The following IL1RAP variants were observed in gnomAD, a reference collection of about 807,000 sequenced individuals.
IL1RAP encodes interleukin-1 receptor accessory protein.
In IL1RAP, 35 loss-of-function variants were observed where a neutral mutation model predicts 60.7. That is an observed-to-expected ratio of 0.58 (90% CI 0.44 to 0.76). The LOEUF is 0.76. Among genes scored for constraint, IL1RAP ranks in the 30% least tolerant of loss-of-function variants. The pLI is 0.00. For missense variants in IL1RAP, 572 were observed against 693.9 expected, an observed-to-expected ratio of 0.82 and a Z score of 1.97; for synonymous variants, 268 against 250.9, an observed-to-expected ratio of 1.07 and a Z score of -0.64.
chr3:190,573,638 C>T (rs1220848571), intron 3 of IL1RAP, among the ~76,000 whole-genome samples: 2 of 152,154 alleles, frequency 1.3e-5, no homozygotes, highest in East Asian at 1.9e-4. Context: ...TCTAAATATC[C>T]TGTTCTTAAA....
intron 3 of IL1RAP, among the ~76,000 whole-genome samples, chr3:190,566,896 T>C (rs1166506537): frequency 6.6e-6 from 1 of 152,196 alleles, no homozygotes; most frequent in Non-Finnish European, 1.5e-5. Context: ...ACAGATTTGT[T>C]GGTCTTTCAT....
downstream of IL1RAP, among the ~76,000 whole-genome samples, chr3:190,653,660 C>G (rs772841124): frequency 6.6e-6 from 1 of 151,988 alleles, no homozygotes; most frequent in Non-Finnish European, 1.5e-5. Flanking sequence ...TTGAAGAGTT[C>G]TCAGTCATAC....
chr3:190,609,307 T>C, intron 5 of IL1RAP, 126 bp downstream of exon 5: 2 of 605,502 alleles, frequency 3.3e-6, no homozygotes. Context: ...CCGTAATAGC[T>C]TTATGGAAGT....
At chr3:190,522,388 T>C (rs573705183) in intron 1 of IL1RAP, among the ~76,000 whole-genome samples, 3 of 146,612 alleles carry the variant, frequency 2.0e-5, no homozygotes, top group Non-Finnish European at 4.5e-5. Context: ...ATTATCTATG[T>C]ATCTTTCTAT....
chr3:190,520,217 A>G (rs1383595605), intron 1 of IL1RAP, among the ~76,000 whole-genome samples: 1 of 152,196 alleles, frequency 6.6e-6, no homozygotes, highest in Non-Finnish European at 1.5e-5. Context: ...CCCTGTGCCT[A>G]GCACAGTGAC....
chr3:190,592,244 T>G lies in IL1RAP; in HGVS notation c.65-11884T>G, dbSNP rs148165302. 3.4e-3 allele frequency among the ~76,000 whole-genome samples: 516 copies of G among 152,348 alleles called. 2 individuals carry two copies. The highest frequency in any genetic ancestry group is 0.011 in the African/African-American group (466 of 41,586). On this transcript the variant is annotated intron_variant, in intron 3 of 11. Transcript: ENST00000447382. ...CATGTTGGCCAGACTGGTCTCGAACTCGACCTCAGGTGATCTGTCCTGCCT... is the reference window on the plus strand; with the variant it reads ...CATGTTGGCCAGACTGGTCTCGAACGCGACCTCAGGTGATCTGTCCTGCCT...
chr3:190,593,604 C>T (rs1354035385), intron 3 of IL1RAP, among the ~76,000 whole-genome samples: 2 of 152,094 alleles, frequency 1.3e-5, no homozygotes, highest in South Asian at 4.1e-4. Context: ...TCACGTCTTA[C>T]ATGTCAGCAG....
rs559098472 is a variant in IL1RAP at position 190,555,089 on chromosome 3, G to A, written c.-88-1041G>A. On this transcript the variant is annotated intron_variant, in intron 1 of 11. Coordinates refer to ENST00000447382, the MANE Select transcript of IL1RAP (RefSeq NM_002182.4). ...TAGAGAGGTTATTAGTGGCAATGTC[G>A]TTAAGTGAAATTTAAGGGGAGAAAA... 2.6e-5 allele frequency among the ~76,000 whole-genome samples: 4 copies of A among 152,228 alleles called. No homozygotes were observed. In the South Asian group the frequency reaches 6.2e-4, roughly 24 times the overall value.
At chr3:190,541,332 C>T (rs978447454) in intron 1 of IL1RAP, among the ~76,000 whole-genome samples, 2 of 152,028 alleles carry the variant, frequency 1.3e-5, no homozygotes, top group African/African-American at 2.4e-5. Flanking sequence ...AAAAAGTACT[C>T]AGTAATTGCA....
chr3:190,559,658 T>C (rs1417089499), intron 2 of IL1RAP, among the ~76,000 whole-genome samples: 1 of 152,224 alleles, frequency 6.6e-6, no homozygotes, highest in Non-Finnish European at 1.5e-5. Context: ...TTAAGGCATG[T>C]ATTTTAATTT....
Position 190,644,318 on chromosome 3 carries a change from C to G in IL1RAP, c.1122C>G (p.Leu374=). Residue 374 remains leucine (L), a synonymous_variant, in exon 10 of 12, where the codon CTC becomes CTG. Coordinates refer to ENST00000447382, the MANE Select transcript of IL1RAP (RefSeq NM_002182.4). ...CCACAGTCCTGCTAGTGGTGATTCT[C>G]ATTGTTGTTTACCATGTTTACTGGC... ...FGATVLLVVI[L]IVVYHVYWLE... is the part of the protein sequence containing the mutation. 6.2e-7 allele frequency: 1 copy of G among 1,613,984 alleles called. No homozygotes were observed.
At chr3:190,629,694 A>G (rs1732615327) in intron 9 of IL1RAP, 196 bp downstream of exon 9, 1 of 1,310,804 alleles carries the variant, frequency 7.6e-7, no homozygotes, top group African/African-American at 1.5e-5. Flanking sequence ...TGTTTCTGAT[A>G]TTGTTAGTAC....
chr3:190,602,472 C>T (rs889569150), intron 3 of IL1RAP, among the ~76,000 whole-genome samples: 18 of 151,754 alleles, frequency 1.2e-4, no homozygotes, highest in Non-Finnish European at 2.6e-4. Context: ...TTACATATTA[C>T]ACAAAAGAAT....
chr3:190,657,485 A>G (rs1035496174), exon 12 of IL1RAP: 7 of 152,218 alleles, frequency 4.6e-5, no homozygotes, highest in Admixed American at 3.3e-4. Flanking sequence ...TAGCGTAGAA[A>G]TAGGTGCCTT....
chr3:190,625,677 T>C (rs1261541042), intron 7 of IL1RAP, among the ~76,000 whole-genome samples: 1 of 152,148 alleles, frequency 6.6e-6, no homozygotes, highest in Admixed American at 6.5e-5. Flanking sequence ...GTGATCAACA[T>C]AGATGGAGAA....
intron 3 of IL1RAP, among the ~76,000 whole-genome samples, chr3:190,568,780 T>C (rs1431773248): frequency 6.6e-6 from 1 of 152,242 alleles, no homozygotes; most frequent in Non-Finnish European, 1.5e-5. Flanking sequence ...ACACACAGGG[T>C]ATACTCCTAT....
Position 190,572,859 on chromosome 3 carries a change from G to GTTTTTTTTTTTTTTTTTTTTTTT in IL1RAP, c.64+8528_64+8529insTTTTTTTTTTTTTTTTTTTTTTT, listed in dbSNP as rs1200775636. 1.3e-4 allele frequency among the ~76,000 whole-genome samples: 5 copies of GTTTTTTTTTTTTTTTTTTTTTTT among 39,052 alleles called. 1 individual carries two copies. The highest frequency in any genetic ancestry group is 3.6e-4 in the African/African-American group (3 of 8,272). 25.6% of individuals were successfully genotyped at this position (39,052 alleles called of 152,430 possible). On this transcript the variant is annotated intron_variant, in intron 3 of 11. Coordinates refer to ENST00000447382, the MANE Select transcript of IL1RAP (RefSeq NM_002182.4). ...TCAGCATGTCCAGGGTTAATGCTTT[G>GTTTTTTTTTTTTTTTTTTTTTTT]TTTTTTTTTTTTTTTTTTTTTTGAG... is the stretch of plus-strand genomic sequence containing the variant.
chr3:190,607,621 G>A (rs1395813841), intron 4 of IL1RAP, among the ~76,000 whole-genome samples: 1 of 152,026 alleles, frequency 6.6e-6, no homozygotes, highest in Non-Finnish European at 1.5e-5. Flanking sequence ...GCCTGCATGT[G>A]AAATGGAGGG....
chr3:190,575,583 G>A (rs1274991379), intron 3 of IL1RAP, among the ~76,000 whole-genome samples: 1 of 152,196 alleles, frequency 6.6e-6, no homozygotes, highest in Non-Finnish European at 1.5e-5. Flanking sequence ...TGAGATGTAG[G>A]CCTTGGGTTG....
Sources: allele counts gnomAD v4.1 joint callset (sites outside exome capture counted in the v4.1 genomes callset), GRCh38; gene constraint gnomAD v4.1.1; transcripts MANE v1.5; gene names NCBI Gene and HGNC (gene_info 2026-07-23, HGNC 2026-07-21).